The following COL28A1 variants were observed in gnomAD, a reference collection of about 807,000 sequenced individuals.
COL28A1 encodes collagen alpha-1(XXVIII) chain.
Under a neutral mutation model 150.2 loss-of-function variants are expected in COL28A1, and 161 were observed. The ratio of observed to expected loss-of-function variants is 1.07; its 90% CI spans 0.94 to 1.22. The LOEUF (loss-of-function observed/expected upper bound fraction) is 1.22. Among genes scored for constraint, COL28A1 ranks in the 50% most tolerant of loss-of-function variants. The pLI, the probability that COL28A1 is intolerant of heterozygous loss-of-function variation, is 0.00. For missense variants in COL28A1, 1,617 were observed against 1,388.3 expected (o/e 1.16, Z -2.62); for synonymous variants, 552 against 469.7 (o/e 1.18, Z -2.26).
chr7:7,478,825 C>T (rs984763777), intron 13 of COL28A1, among the ~76,000 whole-genome samples: 3 of 152,258 alleles, frequency 2.0e-5, no homozygotes, highest in South Asian at 2.1e-4. Context: ...CAGGGCCAGT[C>T]GGCTGCTCCA....
At chr7:7,385,875 A>T (rs1291005600) in intron 27 of COL28A1, among the ~76,000 whole-genome samples, 1 of 152,184 alleles carries the variant, frequency 6.6e-6, no homozygotes, top group African/African-American at 2.4e-5. Context: ...GGCTTCCTAT[A>T]ACTTTCAGAG....
rs183245469 is a variant in COL28A1, at chr7:7,494,526, C to T, written c.1027-3880G>A. The stretch of plus-strand genomic sequence containing the variant: ...TTGTTGAGAGGATTCAAGATATTGT[C>T]TGCAAAACATCTAAGTCATAACCAG... On this transcript the variant is annotated intron_variant, in intron 11 of 34. Coordinates refer to ENST00000399429, the MANE Select transcript of COL28A1 (RefSeq NM_001037763.3). Among the ~76,000 whole-genome samples, 5 of 152,296 alleles carry T rather than the reference C, an allele frequency of 3.3e-5. No individual in the cohort carries two copies. In the East Asian group the frequency reaches 7.7e-4, roughly 24 times the overall value.
intron 33 of COL28A1, among the ~76,000 whole-genome samples, chr7:7,367,463 G>A (rs1780994757): frequency 6.6e-6 from 1 of 152,136 alleles, no homozygotes; most frequent in Non-Finnish European, 1.5e-5. Flanking sequence ...AAAGCCTAGA[G>A]ACAAGAGGCA....
chr7:7,517,986 G>GAAA, intron 6 of COL28A1, 149 bp from the exon 7 acceptor site: 2 of 775,322 alleles, frequency 2.6e-6, no homozygotes, highest in Non-Finnish European at 3.5e-6. Flanking sequence ...TGCAATCTAG[G>GAAA]CAAAAAAAAA....
Position 7,380,826 on chromosome 7 carries a change from C to T in COL28A1, c.2242G>A (p.Gly748Ser). 2 of 1,614,040 alleles carry T rather than the reference C, an allele frequency of 1.2e-6. No homozygotes were observed. The highest frequency in any genetic ancestry group is 8.5e-7 in the Non-Finnish European group (1 of 1,179,958). The change falls in exon 29 of 35, where the codon GGT becomes AGT. Residue 748 changes from glycine (G) to serine (S), a missense_variant. By Grantham distance (56) the Gly-to-Ser change is moderately conservative. Coordinates refer to ENST00000399429, the MANE Select transcript of COL28A1 (RefSeq NM_001037763.3). ...HGERGDVGKK[G>S]DKGEIGEPGS... ...GGCTCTCCAATTTCTCCTTTATCAC[C>T]TTTCTTTCCCACATCGCCCCGTTCT...
intron 25 of COL28A1, among the ~76,000 whole-genome samples, chr7:7,422,383 C>A (rs1374773721): frequency 6.6e-6 from 1 of 152,094 alleles, no homozygotes; most frequent in African/African-American, 2.4e-5. Context: ...GTAATCCCAC[C>A]ACTCTGGCAG....
chr7:7,381,187 TGTAAG>T (rs1781853431), intron 28 of COL28A1, among the ~76,000 whole-genome samples: 1 of 152,142 alleles, frequency 6.6e-6, no homozygotes. Context: ...CATGGTATGT[TGTAAG>T]TATGTTGTAA....
intron 11 of COL28A1, among the ~76,000 whole-genome samples, chr7:7,504,754 T>C (rs1158914013): frequency 6.6e-6 from 1 of 152,168 alleles, no homozygotes; most frequent in East Asian, 1.9e-4. Context: ...GCCAGTATGA[T>C]CTCTAACATC....
In COL28A1 at chr7:7,522,963, A is replaced by C. The variant is rs74296248; in HGVS notation, c.703-1002T>G. On this transcript the variant is annotated intron_variant, in intron 4 of 34. Transcript: ENST00000399429. ...TTGGACAAGCTTGATTTAGAGTCTG[A>C]TGTGAAGAAGTTTTAGAAATAACCA... 7.1e-3 allele frequency among the ~76,000 whole-genome samples: 1,077 copies of C among 152,150 alleles called. 11 individuals carry two copies. The highest frequency in any genetic ancestry group is 0.015 in the Admixed American group (224 of 15,274).
In COL28A1 at chr7:7,521,906, G is replaced by A; in HGVS notation, c.758C>T (p.Pro253Leu). The change falls in exon 5 of 35, where the codon CCT becomes CTT. Residue 253 changes from proline to leucine, a missense_variant and splice_region_variant. Pro to Leu is a moderately conservative substitution (Grantham distance 98, BLOSUM62 -3). Coordinates refer to ENST00000399429, the MANE Select transcript of COL28A1 (RefSeq NM_001037763.3). ...AGTTCAAAGTGGAAGTATACTCACA[G>A]GAGGCCCTGGATCACCTGGATCTCC... ...EKGDPGDPGPPGTHGNPGIKG... is the reference protein window; with the variant it reads ...EKGDPGDPGPLGTHGNPGIKG... The A allele has an allele frequency of 9.5e-7, 1 of 1,050,904 alleles. No homozygotes were observed. Among genetic ancestry groups the A allele is most frequent in the Non-Finnish European group, 1.5e-6 (1 of 664,936 alleles). The allele number at this position is 1,050,904 out of a possible 1,614,324, so 65.1% of individuals were successfully genotyped here. A position where few individuals can be genotyped will look rare whatever the true frequency, so the allele number is the denominator to read the frequency against.
At chr7:7,531,990 G>T in intron 2 of COL28A1, 86 bp from the exon 3 acceptor site, 4 of 769,334 alleles carry the variant, frequency 5.2e-6, no homozygotes, top group Admixed American at 2.5e-5. Flanking sequence ...GTGGTGTGTT[G>T]TATATTGTTT....
At chr7:7,413,747 T>C (rs1783915744) in intron 27 of COL28A1, among the ~76,000 whole-genome samples, 1 of 152,206 alleles carries the variant, frequency 6.6e-6, no homozygotes, top group Non-Finnish European at 1.5e-5. Flanking sequence ...CCCTCTACTA[T>C]GTTTGAACCA....
intron 27 of COL28A1, among the ~76,000 whole-genome samples, chr7:7,410,937 C>A (rs966676933): frequency 6.6e-6 from 1 of 151,998 alleles, no homozygotes; most frequent in Non-Finnish European, 1.5e-5. Context: ...ACGAATAAAT[C>A]GTTTCTATTT....
intron 27 of COL28A1, among the ~76,000 whole-genome samples, chr7:7,417,412 A>T (rs971972235): frequency 1.4e-5 from 2 of 148,012 alleles, no homozygotes; most frequent in Non-Finnish European, 3.0e-5. Context: ...TACTATCCAA[A>T]AGCTCCCTAG....
intron 27 of COL28A1, among the ~76,000 whole-genome samples, chr7:7,400,426 C>T (rs1366434115): frequency 6.6e-6 from 1 of 152,136 alleles, no homozygotes; most frequent in African/African-American, 2.4e-5. Context: ...AGCCACGAGC[C>T]AAGGAATATG....
intron 27 of COL28A1, among the ~76,000 whole-genome samples, chr7:7,394,962 C>T (rs1298707989): frequency 1.3e-5 from 2 of 152,192 alleles, no homozygotes; most frequent in African/African-American, 2.4e-5. Context: ...GGCACTTGCT[C>T]ATTGCCTCAG....
At chr7:7,360,241 AATC>A in intron 34 of COL28A1, 146 bp downstream of exon 34, 1 of 699,462 alleles carries the variant, frequency 1.4e-6, no homozygotes, top group Non-Finnish European at 2.2e-6. Context: ...GCTTGTTTAG[AATC>A]ATAACATTTT....
At chr7:7,532,263 A>G (rs1782407739) in intron 2 of COL28A1, among the ~76,000 whole-genome samples, 1 of 152,170 alleles carries the variant, frequency 6.6e-6, no homozygotes, top group African/African-American at 2.4e-5. Context: ...ATGATACTCT[A>G]ATTCTCAGGT....
Position 7,506,031 on chromosome 7 carries a change from C to G in COL28A1, c.1009G>C (p.Gly337Arg). The stretch of plus-strand genomic sequence containing the variant: ...AAGATTACCTTATTGCCTTGAAACC[C>G]CTTTGGGCCTGGGTCTCCTGGAGGT... ...TGPPGDPGPK[G>R]FQGNKGEPGP... The change falls in exon 11 of 35, where the codon GGG becomes CGG. Residue 337 changes from glycine to arginine, a missense_variant. Coordinates refer to ENST00000399429, the MANE Select transcript of COL28A1 (RefSeq NM_001037763.3). 1 of 1,455,360 alleles carries G rather than the reference C, an allele frequency of 6.9e-7. No homozygotes were observed. The allele number at this position is 1,455,360 out of a possible 1,614,324, so 90.2% of individuals were successfully genotyped here.
Sources: allele counts gnomAD v4.1 joint callset (sites outside exome capture counted in the v4.1 genomes callset), GRCh38; gene constraint gnomAD v4.1.1; transcripts MANE v1.5; gene names NCBI Gene and HGNC (gene_info 2026-07-23, HGNC 2026-07-21).